Variants in SH3RF3 observed in about 807,000 individuals in gnomAD.
The protein encoded by SH3RF3 is SH3 domain containing ring finger 3, also known as E3 ubiquitin-protein ligase SH3RF3.
Under a neutral mutation model 66.3 loss-of-function variants are expected in SH3RF3, and 29 were observed. That is an observed-to-expected ratio of 0.44 (90% CI 0.33 to 0.60). SH3RF3 has a LOEUF of 0.60. Ranked by LOEUF, SH3RF3 falls within the 20% of genes least tolerant of loss-of-function variation. SH3RF3 has a pLI of 0.04. For missense variants in SH3RF3, 1,194 were observed against 1,190.9 expected, an observed-to-expected ratio of 1.00 and a Z score of -0.04; for synonymous variants, 583 against 532.0, an observed-to-expected ratio of 1.10 and a Z score of -1.32.
At chr2:109,215,953 C>T (rs964538389) in intron 1 of SH3RF3, among the ~76,000 whole-genome samples, 5 of 152,236 alleles carry the variant, frequency 3.3e-5, no homozygotes, top group African/African-American at 1.2e-4. Flanking sequence ...GCCACGTGAG[C>T]TGGGTGCCCA....
At chr2:109,480,181 G>A (rs1678799158) in intron 8 of SH3RF3, among the ~76,000 whole-genome samples, 1 of 152,216 alleles carries the variant, frequency 6.6e-6, no homozygotes, top group Admixed American at 6.5e-5. Context: ...AGAAAAGAAG[G>A]CGTTGTGCCC....
intron 1 of SH3RF3, among the ~76,000 whole-genome samples, chr2:109,178,710 A>G (rs1017437717): frequency 6.6e-6 from 1 of 152,220 alleles, no homozygotes; most frequent in Non-Finnish European, 1.5e-5. Flanking sequence ...TGTCGTTCAC[A>G]TAGATCTAAT....
At chr2:109,273,992 ATACT>A (rs1489583126) in intron 1 of SH3RF3, among the ~76,000 whole-genome samples, 3 of 152,206 alleles carry the variant, frequency 2.0e-5, no homozygotes, top group African/African-American at 7.2e-5. Context: ...GGCAAGGATA[ATACT>A]TACCATAGTT....
At chr2:109,185,143 C>G (rs960017058) in intron 1 of SH3RF3, among the ~76,000 whole-genome samples, 2 of 152,150 alleles carry the variant, frequency 1.3e-5, no homozygotes, top group Non-Finnish European at 2.9e-5. Flanking sequence ...GTTTGGATTG[C>G]ATCTGAGATA....
chr2:109,404,660 C>T (rs1310733802), intron 4 of SH3RF3, among the ~76,000 whole-genome samples: 2 of 152,110 alleles, frequency 1.3e-5, no homozygotes, highest in Non-Finnish European at 2.9e-5. Context: ...GCAGAGCTGA[C>T]CCCTCTCCCA....
intron 1 of SH3RF3, among the ~76,000 whole-genome samples, chr2:109,224,216 T>C (rs1211837274): frequency 6.6e-6 from 1 of 152,220 alleles, no homozygotes; most frequent in African/African-American, 2.4e-5. Context: ...GAGTTTAAAC[T>C]TGGCTTGAAT....
At chr2:109,358,148 T>A (rs985750677) in intron 2 of SH3RF3, among the ~76,000 whole-genome samples, 2 of 152,252 alleles carry the variant, frequency 1.3e-5, no homozygotes, top group Non-Finnish European at 2.9e-5. Flanking sequence ...TCATACAATA[T>A]GTAGCCTTTT....
chr2:109,448,774 C>T (rs1183024007), intron 7 of SH3RF3, among the ~76,000 whole-genome samples: 1 of 152,166 alleles, frequency 6.6e-6, no homozygotes, highest in Non-Finnish European at 1.5e-5. Flanking sequence ...GAAACCATCC[C>T]CTGCCTCAGT....
intron 1 of SH3RF3, among the ~76,000 whole-genome samples, chr2:109,156,908 A>G (rs1252723599): frequency 6.6e-6 from 1 of 152,202 alleles, no homozygotes; most frequent in Non-Finnish European, 1.5e-5. Flanking sequence ...GAGGCAGTTA[A>G]TGCTTTCTTT....
chr2:109,312,379 A>G (rs1681750391), intron 1 of SH3RF3, among the ~76,000 whole-genome samples: 1 of 152,216 alleles, frequency 6.6e-6, no homozygotes, highest in Non-Finnish European at 1.5e-5. Flanking sequence ...TACTTATAAC[A>G]TGAAAGTCAT....
At chr2:109,447,481 CAA>C (rs1677744047) in intron 7 of SH3RF3, among the ~76,000 whole-genome samples, 1 of 152,310 alleles carries the variant, frequency 6.6e-6, no homozygotes, top group East Asian at 1.9e-4. Context: ...ATGAATGCCA[CAA>C]AGTCTGCTGG....
intron 8 of SH3RF3, among the ~76,000 whole-genome samples, chr2:109,467,479 G>A (rs1678384393): frequency 6.6e-6 from 1 of 152,222 alleles, no homozygotes; most frequent in African/African-American, 2.4e-5. Context: ...GGGACTGGAA[G>A]AAGCCCTGGA....
At chr2:109,313,250 A>G (rs909825621) in intron 1 of SH3RF3, among the ~76,000 whole-genome samples, 1 of 152,212 alleles carries the variant, frequency 6.6e-6, no homozygotes, top group Non-Finnish European at 1.5e-5. Context: ...CAGGATCCCT[A>G]TTCCTCTTCA....
intron 4 of SH3RF3, among the ~76,000 whole-genome samples, chr2:109,416,269 G>T (rs1296194977): frequency 6.6e-6 from 1 of 152,022 alleles, no homozygotes; most frequent in Non-Finnish European, 1.5e-5. Flanking sequence ...GCCTGTGCAC[G>T]CTGAACTTCC....
chr2:109,237,965 G>T (rs1180110076), intron 1 of SH3RF3, among the ~76,000 whole-genome samples: 1 of 152,168 alleles, frequency 6.6e-6, no homozygotes, highest in African/African-American at 2.4e-5. Flanking sequence ...CCACGCAATG[G>T]CTCATGCTTG....
intron 1 of SH3RF3, among the ~76,000 whole-genome samples, chr2:109,174,303 G>A (rs973947763): frequency 1.1e-4 from 17 of 152,252 alleles, no homozygotes; most frequent in African/African-American, 3.9e-4. Context: ...TTGGCAAGAG[G>A]GGAGAGGAAC....
chr2:109,152,533 G>A (rs532862910), intron 1 of SH3RF3, among the ~76,000 whole-genome samples: 1 of 152,352 alleles, frequency 6.6e-6, no homozygotes, highest in Admixed American at 6.5e-5. Context: ...ACAACGAAGT[G>A]TTTGAAAGTT....
rs67139652 is a variant in SH3RF3 at position 109,211,648 on chromosome 2, C to CTTTT, written c.573+81546_573+81549dup. ...CCTTCGGCCCTTCCTGCATTTCTTT[C>CTTTT]TTTTTTTTTTTTTTGAGATGGAGTC... On this transcript the variant is annotated intron_variant, in intron 1 of 9. Transcript: ENST00000309415. 2.5e-3 allele frequency among the ~76,000 whole-genome samples: 359 copies of CTTTT among 142,570 alleles called. 5 individuals are homozygous for CTTTT. The highest frequency in any genetic ancestry group is 3.6e-3 in the Non-Finnish European group (238 of 65,498). 93.5% of individuals were successfully genotyped at this position (142,570 alleles called of 152,430 possible). A position where few individuals can be genotyped will look rare whatever the true frequency, so the allele number is the denominator to read the frequency against.
intron 1 of SH3RF3, among the ~76,000 whole-genome samples, chr2:109,282,645 G>A (rs761013821): frequency 6.6e-6 from 1 of 152,200 alleles, no homozygotes; most frequent in Non-Finnish European, 1.5e-5. Flanking sequence ...GGAGACGTCC[G>A]GGCACCCTTG....
Sources: allele counts gnomAD v4.1 joint callset (sites outside exome capture counted in the v4.1 genomes callset), GRCh38; gene constraint gnomAD v4.1.1; transcripts MANE v1.5; gene names NCBI Gene and HGNC (gene_info 2026-07-23, HGNC 2026-07-21).